The following ERF variants were observed in gnomAD, a reference collection of about 807,000 sequenced individuals.
ERF encodes ETS2 repressor factor, also known as ETS domain-containing transcription factor ERF.
In ERF, 10 loss-of-function variants were observed where a neutral mutation model predicts 41.6. The ratio of observed to expected loss-of-function variants is 0.24; its 90% confidence interval spans 0.15 to 0.41. The LOEUF is 0.41. ERF is among the 10% of genes least tolerant of loss of function. ERF has a pLI of 1.00. For missense variants in ERF, 621 were observed against 763.2 expected (o/e 0.81, Z 2.19); for synonymous variants, 395 against 342.4 (o/e 1.15, Z -1.70).
chr19:42,249,178 G>A lies in ERF; in HGVS notation c.934C>T (p.Arg312Trp), dbSNP rs755455023. The A allele has an allele frequency of 5.8e-5, 93 of 1,613,784 alleles. No homozygotes were observed. Among genetic ancestry groups the A allele is most frequent in the Non-Finnish European group, 7.5e-5 (88 of 1,179,906 alleles). Reference protein sequence around the residue: ...HFSFSPEDMKRYLQAHTQSVY... With the variant: ...HFSFSPEDMKWYLQAHTQSVY... ...CTTTGGGTGTGGGCCTGCAGGTACCGTTTCATGTCCTCAGGGCTGAAGGAG... is the reference window on the plus strand; with the variant it reads ...CTTTGGGTGTGGGCCTGCAGGTACCATTTCATGTCCTCAGGGCTGAAGGAG... Residue 312 changes from arginine (R) to tryptophan (W), a missense_variant, in exon 4 of 4, where the codon CGG becomes TGG. Transcript: ENST00000222329. The surrounding 1 kb of genome is among the most constrained non-coding windows in gnomAD (Gnocchi z 8.6).
chr19:42,249,647 G>A lies in ERF; in HGVS notation c.465C>T (p.Pro155=). 2 of 1,610,028 alleles carry A rather than the reference G, an allele frequency of 1.2e-6. No homozygotes were observed. The highest frequency in any genetic ancestry group is 1.1e-5 in the South Asian group (1 of 90,520). Reference sequence around the variant, plus strand: ...CTGGTGGTGAGCGGGGGTCCTCGGTGGGGGACAGCACCTCGGAGGGCGTTG... The same window carrying A: ...CTGGTGGTGAGCGGGGGTCCTCGGTAGGGGACAGCACCTCGGAGGGCGTTG... ...PPSTPSEVLS[P]TEDPRSPPAC... Residue 155 remains proline (P), a synonymous_variant, in exon 4 of 4, where the codon CCC becomes CCT. Coordinates refer to ENST00000222329, the MANE Select transcript of ERF (RefSeq NM_006494.4). This position sits in a 1 kb window ranked among gnomAD's most constrained non-coding sequence, Gnocchi z 8.6.
intron 1 of ERF, among the ~76,000 whole-genome samples, chr19:42,254,114 G>C (rs1414014440): frequency 6.6e-6 from 1 of 151,492 alleles, no homozygotes; most frequent in East Asian, 2.0e-4. Flanking sequence ...CCCGCCCGCC[G>C]ACCGAGGGGG....
intron 1 of ERF, 94 bp downstream of exon 1, chr19:42,254,884 G>T: frequency 7.3e-7 from 1 of 1,373,998 alleles, no homozygotes; most frequent in South Asian, 1.5e-5. Context: ...GGGATCACTC[G>T]GGCTCCCCCG....
At chr19:42,252,604 C>A (rs940831341) in intron 1 of ERF, among the ~76,000 whole-genome samples, 1 of 152,168 alleles carries the variant, frequency 6.6e-6, no homozygotes, top group Non-Finnish European at 1.5e-5. Context: ...CCTGAGCAAC[C>A]CCTCCTCCAG....
Position 42,250,644 on chromosome 19 carries a change from C to A in ERF, c.23-79G>T. On this transcript the variant is annotated intron_variant, in intron 1 of 3. Transcript: ENST00000222329. The surrounding 1 kb of genome is among the most constrained non-coding windows in gnomAD (Gnocchi z 5.1). Reference sequence around the variant, plus strand: ...CTGGGTCCCATCCCAGGGTCCACCTCTGCCCTGCCTTCAACATGGGGAAAT... The same window carrying A: ...CTGGGTCCCATCCCAGGGTCCACCTATGCCCTGCCTTCAACATGGGGAAAT... The A allele has an allele frequency of 7.3e-7, 1 of 1,375,828 alleles. No individual in the cohort carries two copies. The highest frequency in any genetic ancestry group is 2.2e-5 in the Admixed American group (1 of 46,332). 85.2% of individuals were successfully genotyped at this position (1,375,828 alleles called of 1,614,324 possible). A position where few individuals can be genotyped will look rare whatever the true frequency, so the allele number is the denominator to read the frequency against.
At position 42,250,255 on chromosome 19, in the gene ERF, G is replaced by GT; in HGVS notation, c.257+75dup. ...AAGCCAGGGGTCAGACCCAATGCTTGTTCCCACAGGCAAGGGGCTGTGCAA... is the reference window on the plus strand; with the variant it reads ...AAGCCAGGGGTCAGACCCAATGCTTGTTTCCCACAGGCAAGGGGCTGTGCAA... On this transcript the variant is annotated intron_variant, in intron 2 of 3. Transcript: ENST00000222329. The surrounding 1 kb of genome is among the most constrained non-coding windows in gnomAD (Gnocchi z 5.1). 1 of 1,524,410 alleles carries GT rather than the reference G, an allele frequency of 6.6e-7. No individual in the cohort carries two copies. Among genetic ancestry groups the GT allele is most frequent in the Non-Finnish European group, 8.9e-7 (1 of 1,117,882 alleles). 94.4% of individuals were successfully genotyped at this position (1,524,410 alleles called of 1,614,324 possible).
intron 1 of ERF, among the ~76,000 whole-genome samples, chr19:42,252,372 C>A (rs2036457956): frequency 6.6e-6 from 1 of 152,110 alleles, no homozygotes; most frequent in Non-Finnish European, 1.5e-5. Flanking sequence ...CCTTCCCAGC[C>A]CACCCGCCCC....
chr19:42,254,739 T>A (rs1362893988), intron 1 of ERF: 4 of 356,936 alleles, frequency 1.1e-5, no homozygotes, highest in African/African-American at 2.2e-5. Flanking sequence ...GGGGTCCCGG[T>A]AGGGATACAG....
Position 42,250,109 on chromosome 19 carries a change from T to G in ERF, c.258-167A>C. 1 of 772,638 alleles carries G rather than the reference T, an allele frequency of 1.3e-6. No individual in the cohort carries two copies. Among genetic ancestry groups the G allele is most frequent in the Non-Finnish European group, 2.2e-6 (1 of 463,916 alleles). 47.9% of individuals were successfully genotyped at this position (772,638 alleles called of 1,614,324 possible). On this transcript the variant is annotated intron_variant, in intron 2 of 3. Transcript: ENST00000222329. This position sits in a 1 kb window ranked among gnomAD's most constrained non-coding sequence, Gnocchi z 5.1. ...GGTGGGTACCAGCTCTCTCCTCACA[T>G]CTAAGGCAGGACTAGAGGATCCACT...
At chr19:42,254,950 C>A in intron 1 of ERF, 28 bp downstream of exon 1, 7 of 1,513,374 alleles carry the variant, frequency 4.6e-6, no homozygotes, top group South Asian at 1.3e-5. Flanking sequence ...CAACAAGTCT[C>A]CCCCACACGT....
chr19:42,251,200 C>G, intron 1 of ERF: 1 of 984,380 alleles, frequency 1.0e-6, no homozygotes, highest in Non-Finnish European at 1.2e-6. Flanking sequence ...GAGAGGCCCC[C>G]CAAGCCCTGG....
At chr19:42,254,576 G>A (rs1180437231) in intron 1 of ERF, 1 of 173,834 alleles carries the variant, frequency 5.8e-6, no homozygotes, top group Non-Finnish European at 1.2e-5. Flanking sequence ...TCACCAGCAG[G>A]ACCGCGCAGC....
At chr19:42,254,654 T>G in intron 1 of ERF, 4 of 221,508 alleles carry the variant, frequency 1.8e-5, no homozygotes, top group East Asian at 9.4e-5. Context: ...GCCCCCAGAG[T>G]GCAACGTGAC....
Position 42,250,055 on chromosome 19 carries a change from G to A in ERF, c.258-113C>T, listed in dbSNP as rs1054646737. 7 of 1,068,654 alleles carry A rather than the reference G, an allele frequency of 6.6e-6. No homozygotes were observed. Among genetic ancestry groups the A allele is most frequent in the Non-Finnish European group, 1.0e-5 (7 of 695,532 alleles). 66.2% of individuals were successfully genotyped at this position (1,068,654 alleles called of 1,614,324 possible). A position where few individuals can be genotyped will look rare whatever the true frequency, so the allele number is the denominator to read the frequency against. ...CCCAAAGGCCAACTGAGGAACGTAG[G>A]CCACAAAAGACAAATCAAGTGCCCA... On this transcript the variant is annotated intron_variant, in intron 2 of 3. Coordinates refer to ENST00000222329, the MANE Select transcript of ERF (RefSeq NM_006494.4). This position sits in a 1 kb window ranked among gnomAD's most constrained non-coding sequence, Gnocchi z 5.1.
In ERF at chr19:42,249,900, T is replaced by C. The variant is rs772731129; in HGVS notation, c.300A>G (p.Lys100=). 1 of 1,614,150 alleles carries C rather than the reference T, an allele frequency of 6.2e-7. No individual in the cohort carries two copies. The highest frequency in any genetic ancestry group is 8.5e-7 in the Non-Finnish European group (1 of 1,180,016). The part of the protein sequence containing the change: ...NKRILHKTKG[K]RFTYKFNFNK... ...TGAAATTGAACTTGTAGGTGAACCG[T>C]TTCCCCTTGGTCTTGTGCAGAATGC... is the stretch of plus-strand genomic sequence containing the variant. The change falls in exon 3 of 4, where the codon AAA becomes AAG. Residue 100 remains lysine (K), a synonymous_variant. Coordinates refer to ENST00000222329, the MANE Select transcript of ERF (RefSeq NM_006494.4). The surrounding 1 kb of genome is among the most constrained non-coding windows in gnomAD (Gnocchi z 8.6).
At position 42,248,807 on chromosome 19, in the gene ERF, C is replaced by T. The variant is rs1337888023; in HGVS notation, c.1305G>A (p.Ser435=). 9.3e-6 allele frequency: 15 copies of T among 1,613,356 alleles called. No homozygotes were observed. The highest frequency in any genetic ancestry group is 1.2e-5 in the Non-Finnish European group (14 of 1,179,912). Residue 435 remains serine, a synonymous_variant, in exon 4 of 4, where the codon TCG becomes TCA. Transcript: ENST00000222329. The surrounding 1 kb of genome is among the most constrained non-coding windows in gnomAD (Gnocchi z 4.2). The part of the protein sequence containing the change: ...IKVEPISEGE[S]EEVEVTDISD... ...TGATGTCAGTCACCTCTACCTCCTCCGACTCGCCTTCCGAGATGGGCTCCA... is the reference window on the plus strand; with the variant it reads ...TGATGTCAGTCACCTCTACCTCCTCTGACTCGCCTTCCGAGATGGGCTCCA...
chr19:42,248,861 G>C lies in ERF; in HGVS notation c.1251C>G (p.Ala417=). The change falls in exon 4 of 4, where the codon GCC becomes GCG. Residue 417 remains alanine, a synonymous_variant. Transcript: ENST00000222329. This position sits in a 1 kb window ranked among gnomAD's most constrained non-coding sequence, Gnocchi z 4.2. ...TGATCTGTGGTGGCGGGGGCGGTGG[G>C]GCTAGCGCCCCTGCCCCCTCAGCCA... The part of the protein sequence containing the change: ...GGLAEGAGAL[A]PPPPPPQIKV... The C allele has an allele frequency of 6.2e-7, 1 of 1,609,432 alleles. No homozygotes were observed. Among genetic ancestry groups the C allele is most frequent in the Non-Finnish European group, 8.5e-7 (1 of 1,178,742 alleles).
rs567417863 is a variant in ERF at position 42,248,926 on chromosome 19, C to T, written c.1186G>A (p.Val396Ile). ...CCACCGCTCTTGTCAGCACCGGCTA[C>T]GGCCTTCTCCCCAGCTGCCCGCTGC... Reference protein sequence around the residue: ...RRQRAAGEKAVAGADKSGGSA... With the variant: ...RRQRAAGEKAIAGADKSGGSA... Residue 396 changes from valine (V) to isoleucine (I), a missense_variant, in exon 4 of 4, where the codon GTA becomes ATA. Transcript: ENST00000222329. The surrounding 1 kb of genome is among the most constrained non-coding windows in gnomAD (Gnocchi z 4.2). 26 of 1,606,848 alleles carry T rather than the reference C, an allele frequency of 1.6e-5. No individual in the cohort carries two copies. Among genetic ancestry groups the T allele is most frequent in the South Asian group, 1.5e-4 (14 of 91,060 alleles).
chr19:42,248,710 G>A lies in ERF; in HGVS notation c.1402C>T (p.Pro468Ser). The A allele has an allele frequency of 6.2e-7, 1 of 1,612,722 alleles. No individual in the cohort carries two copies. The highest frequency in any genetic ancestry group is 8.5e-7 in the Non-Finnish European group (1 of 1,179,214). Residue 468 changes from proline to serine, a missense_variant, in exon 4 of 4, where the codon CCC becomes TCC. This residue lies in a region of ERF where 569 missense variants were observed against 625.5 expected (regional missense o/e 0.91). Coordinates refer to ENST00000222329, the MANE Select transcript of ERF (RefSeq NM_006494.4). This position sits in a 1 kb window ranked among gnomAD's most constrained non-coding sequence, Gnocchi z 4.2. Reference sequence around the variant, plus strand: ...TGGGATGCCCCGGGTGCCTCGCCGGGCTCAGGCTTAGGGGGTGCAGGTGGG... The same window carrying A: ...TGGGATGCCCCGGGTGCCTCGCCGGACTCAGGCTTAGGGGGTGCAGGTGGG... ...RAPPAPPKPE[P>S]GEAPGASQCM... is the part of the protein sequence containing the mutation.
Sources: allele counts gnomAD v4.1 joint callset (sites outside exome capture counted in the v4.1 genomes callset), GRCh38; gene constraint gnomAD v4.1.1; regional missense constraint gnomAD v4.1.1; non-coding constraint Gnocchi (gnomAD v3.1); transcripts MANE v1.5; gene names NCBI Gene and HGNC (gene_info 2026-07-23, HGNC 2026-07-21).